The following ZMAT4 variants were observed in gnomAD, a reference collection of about 807,000 sequenced individuals.
ZMAT4 encodes zinc finger matrin-type protein 4.
In ZMAT4, 17 loss-of-function variants were observed where a neutral mutation model predicts 28.7. The ratio of observed to expected loss-of-function variants is 0.59; its 90% confidence interval spans 0.41 to 0.89. ZMAT4 has a LOEUF of 0.89. Ranked by LOEUF, ZMAT4 falls within the 40% of genes least tolerant of loss-of-function variation. The probability of loss-of-function intolerance (pLI) is 0.00; values close to 1 mark genes in which losing one functional copy is unlikely to be tolerated. For synonymous variants in ZMAT4, 117 were observed against 109.2 expected (o/e 1.07, Z -0.44); for missense variants, 240 against 283.8 (o/e 0.85, Z 1.11).
intron 1 of ZMAT4, among the ~76,000 whole-genome samples, chr8:40,840,585 G>A (rs1337813403): frequency 6.6e-6 from 1 of 152,098 alleles, no homozygotes; most frequent in Non-Finnish European, 1.5e-5. Flanking sequence ...TTAGACATTG[G>A]CAACCTGCTA....
intron 2 of ZMAT4, among the ~76,000 whole-genome samples, chr8:40,801,349 A>ATATATATATATAT (rs1334146524): frequency 0.013 from 624 of 48,596 alleles, 8 homozygotes; most frequent in African/African-American, 0.044. Flanking sequence ...TTTAAAAAAA[A>ATATATATATATAT]AAATATATAT....
chr8:40,603,678 G>C (rs1805478961), intron 5 of ZMAT4, among the ~76,000 whole-genome samples: 1 of 152,132 alleles, frequency 6.6e-6, no homozygotes, highest in African/African-American at 2.4e-5. Flanking sequence ...GCCCAGGCTG[G>C]AGTGCAGTGG....
At chr8:40,542,664 T>C (rs1803077971) in intron 6 of ZMAT4, among the ~76,000 whole-genome samples, 2 of 152,286 alleles carry the variant, frequency 1.3e-5, no homozygotes, top group Non-Finnish European at 2.9e-5. Flanking sequence ...GCTGGAATTA[T>C]ACGCATGAAC....
At chr8:40,894,111 C>T (rs1224729484) in intron 1 of ZMAT4, among the ~76,000 whole-genome samples, 5 of 152,214 alleles carry the variant, frequency 3.3e-5, no homozygotes, top group African/African-American at 7.2e-5. Context: ...GTCAGCTCTG[C>T]GCATGGGGCT....
chr8:40,759,445 A>G (rs1244200915), intron 3 of ZMAT4, among the ~76,000 whole-genome samples: 1 of 152,130 alleles, frequency 6.6e-6, no homozygotes, highest in Non-Finnish European at 1.5e-5. Flanking sequence ...CATGAATGGG[A>G]TTAGTACCCT....
intron 3 of ZMAT4, among the ~76,000 whole-genome samples, chr8:40,706,116 G>A (rs552247364): frequency 2.6e-5 from 4 of 151,976 alleles, no homozygotes; most frequent in Admixed American, 6.6e-5. Context: ...ACAGTGATGC[G>A]ATCTCAGCTC....
chr8:40,836,444 G>A (rs1160211570), intron 1 of ZMAT4, among the ~76,000 whole-genome samples: 2 of 152,154 alleles, frequency 1.3e-5, no homozygotes, highest in African/African-American at 2.4e-5. Context: ...ACAACACAAG[G>A]TATGTAAGAG....
rs140775914 is a variant in ZMAT4 at position 40,761,785 on chromosome 8, G to A, written c.192+5856C>T. ...CACAAGAAAGAAGAAAAAATTCCAC[G>A]ACAGAATACTTGACACACACTTTAC... On this transcript the variant is annotated intron_variant, in intron 3 of 6. Transcript: ENST00000297737. 4.7e-3 allele frequency among the ~76,000 whole-genome samples: 723 copies of A among 152,242 alleles called. 3 individuals are homozygous for A. The highest frequency in any genetic ancestry group is 0.017 in the African/African-American group (689 of 41,552).
At chr8:40,707,223 C>CA (rs398047200) in intron 3 of ZMAT4, among the ~76,000 whole-genome samples, 2 of 56,056 alleles carry the variant, frequency 3.6e-5, no homozygotes, top group South Asian at 7.7e-4. Flanking sequence ...TGCCCCCCCA[C>CA]CCCCCCACCC....
chr8:40,622,819 G>A (rs1806246623), intron 5 of ZMAT4, among the ~76,000 whole-genome samples: 1 of 152,150 alleles, frequency 6.6e-6, no homozygotes. Context: ...CATGAAGAGA[G>A]TACATGTCAT....
chr8:40,764,267 A>G (rs1163460654), intron 3 of ZMAT4, among the ~76,000 whole-genome samples: 1 of 109,884 alleles, frequency 9.1e-6, no homozygotes, highest in Non-Finnish European at 1.7e-5. Context: ...CCAGGGGGAA[A>G]AAAAATGTAA....
At chr8:40,858,672 A>G (rs928986296) in intron 1 of ZMAT4, among the ~76,000 whole-genome samples, 1 of 151,936 alleles carries the variant, frequency 6.6e-6, no homozygotes, top group African/African-American at 2.4e-5. Context: ...AGGTTCCCAT[A>G]CCCCTCGGTT....
chr8:40,881,565 AG>A (rs1352199856), intron 1 of ZMAT4, among the ~76,000 whole-genome samples: 1 of 103,928 alleles, frequency 9.6e-6, no homozygotes, highest in East Asian at 3.2e-4. Context: ...AAAGAAAGAA[AG>A]AAAGAAAGAA....
At chr8:40,727,906 A>T (rs1411397145) in intron 3 of ZMAT4, among the ~76,000 whole-genome samples, 2 of 152,224 alleles carry the variant, frequency 1.3e-5, no homozygotes, top group East Asian at 3.8e-4. Context: ...ATAACATTTT[A>T]TTTATTTTTT....
intron 2 of ZMAT4, among the ~76,000 whole-genome samples, chr8:40,778,852 C>T (rs531630364): frequency 6.6e-6 from 1 of 152,176 alleles, no homozygotes; most frequent in African/African-American, 2.4e-5. Flanking sequence ...TTCTGAAATA[C>T]GTAATCCATC....
intron 1 of ZMAT4, among the ~76,000 whole-genome samples, chr8:40,864,181 T>C (rs542453874): frequency 6.6e-6 from 1 of 152,242 alleles, no homozygotes; most frequent in South Asian, 2.1e-4. Context: ...CATTTCATCT[T>C]GGAGCAGAAA....
intron 5 of ZMAT4, among the ~76,000 whole-genome samples, chr8:40,635,058 T>C (rs1260410150): frequency 6.6e-6 from 1 of 152,140 alleles, no homozygotes; most frequent in Non-Finnish European, 1.5e-5. Context: ...AAGACAGCAA[T>C]TTCCTGGGGA....
chr8:40,875,332 C>T (rs1001526910), intron 1 of ZMAT4, among the ~76,000 whole-genome samples: 1 of 152,166 alleles, frequency 6.6e-6, no homozygotes, highest in Non-Finnish European at 1.5e-5. Context: ...ACCAACCCCC[C>T]AGGTGTGGTG....
chr8:40,836,874 G>A (rs1306486813), intron 1 of ZMAT4, among the ~76,000 whole-genome samples: 2 of 152,052 alleles, frequency 1.3e-5, no homozygotes, highest in Non-Finnish European at 2.9e-5. Context: ...TATTAACGAC[G>A]GTAACTGATG....
Sources: gnomAD v4.1 joint callset for allele counts (sites outside exome capture counted in the v4.1 genomes callset) on GRCh38, gnomAD v4.1.1 for gene constraint, MANE v1.5 for transcripts, NCBI Gene and HGNC (gene_info 2026-07-23, HGNC 2026-07-21) for gene names.